Variants in EPAS1 observed in about 807,000 individuals in gnomAD.
EPAS1 encodes the protein endothelial PAS domain protein 1.
In EPAS1, 23 loss-of-function variants were observed where a neutral mutation model predicts 87.9. The ratio of observed to expected loss-of-function variants is 0.26; its 90% CI spans 0.19 to 0.37. The LOEUF (loss-of-function observed/expected upper bound fraction) is 0.37, where lower values mean the gene tolerates loss of function less well. EPAS1 is among the 10% of genes least tolerant of loss of function. The pLI, the probability that EPAS1 is intolerant of heterozygous loss-of-function variation, is 1.00. For missense variants in EPAS1, 1,138 were observed against 1,120.7 expected (o/e 1.02, Z -0.22); for synonymous variants, 508 against 444.3 (o/e 1.14, Z -1.80).
chr2:46,311,615 T>G (rs1683212675), intron 1 of EPAS1, among the ~76,000 whole-genome samples: 1 of 152,258 alleles, frequency 6.6e-6, no homozygotes, highest in Admixed American at 6.5e-5. Flanking sequence ...AACCTGTGAC[T>G]AGATATCTGT....
In EPAS1 at chr2:46,344,199, C is replaced by T. The variant is rs547824935; in HGVS notation, c.27-2674C>T. Among the ~76,000 whole-genome samples, 6 of 152,334 alleles carry T rather than the reference C, an allele frequency of 3.9e-5. No homozygotes were observed. The South Asian group carries it at 1.0e-3, about 26-fold the overall frequency. ...GATAGAGCACCAGGCACAAAAAGCA[C>T]AGCAAGACTCATATATCAGATGCCA... On this transcript the variant is annotated intron_variant, in intron 1 of 15. Coordinates refer to ENST00000263734, the MANE Select transcript of EPAS1 (RefSeq NM_001430.5).
In EPAS1 at chr2:46,380,566, G is replaced by A. The variant is rs2103673355; in HGVS notation, c.1894G>A (p.Gly632Arg). ...GQASTPLSSM[G>R]GRSNTQWPPD... Reference sequence around the variant, plus strand: ...GGCCAGCACCCCTCTCTCTTCCATGGGGGGCAGATCCAATACCCAGTGGCC... The same window carrying A: ...GGCCAGCACCCCTCTCTCTTCCATGAGGGGCAGATCCAATACCCAGTGGCC... The change falls in exon 12 of 16, where the codon GGG becomes AGG. Residue 632 changes from glycine to arginine, a missense_variant. Transcript: ENST00000263734. This position sits in a 1 kb window ranked among gnomAD's most constrained non-coding sequence, Gnocchi z 4.4. 6.2e-7 allele frequency: 1 copy of A among 1,614,066 alleles called. No individual in the cohort carries two copies. The highest frequency in any genetic ancestry group is 8.5e-7 in the Non-Finnish European group (1 of 1,179,996).
chr2:46,319,987 T>C (rs2104848512), intron 1 of EPAS1, among the ~76,000 whole-genome samples: 1 of 152,346 alleles, frequency 6.6e-6, no homozygotes, highest in East Asian at 1.9e-4. Context: ...AACGGCAGAA[T>C]GCGAGGATTT....
At chr2:46,353,349 A>G (rs865850821) in intron 2 of EPAS1, among the ~76,000 whole-genome samples, 12 of 152,238 alleles carry the variant, frequency 7.9e-5, no homozygotes, top group African/African-American at 2.7e-4. Flanking sequence ...AGTTCTACTG[A>G]ACCAGGAACC....
Position 46,382,409 on chromosome 2 carries a change from G to A in EPAS1, c.2288-16G>A, listed in dbSNP as rs759960330. On this transcript the variant is annotated splice_polypyrimidine_tract_variant and intron_variant, in intron 14 of 15. Transcript: ENST00000263734. Reference sequence around the variant, plus strand: ...CAGGCCAATGCTACCGTCACTCTCTGACTTTGGTCTTTCAGATAAGTTCAC... The same window carrying A: ...CAGGCCAATGCTACCGTCACTCTCTAACTTTGGTCTTTCAGATAAGTTCAC... 2 of 1,614,084 alleles carry A rather than the reference G, an allele frequency of 1.2e-6. No homozygotes were observed. The highest frequency in any genetic ancestry group is 1.7e-6 in the Non-Finnish European group (2 of 1,180,026).
In EPAS1 at chr2:46,297,955, C is replaced by T. The variant is rs2104831414; in HGVS notation, c.26+18C>T. On this transcript the variant is annotated intron_variant, in intron 1 of 15. Transcript: ENST00000263734. ...AAGAAAAGGTAAGCGGGCGTCCGGGCCGATCAGGGGGCCGGTCCGAGGCCA... is the reference window on the plus strand; with the variant it reads ...AAGAAAAGGTAAGCGGGCGTCCGGGTCGATCAGGGGGCCGGTCCGAGGCCA... 4 of 1,611,484 alleles carry T rather than the reference C, an allele frequency of 2.5e-6. 1 individual carries two copies. The South Asian group carries it at 4.4e-5, about 18-fold the overall frequency.
At chr2:46,344,323 C>A (rs759327127) in intron 1 of EPAS1, among the ~76,000 whole-genome samples, 17 of 152,228 alleles carry the variant, frequency 1.1e-4, no homozygotes, top group Non-Finnish European at 1.0e-4. Context: ...AAGCTTTGTG[C>A]ATGCAGATAT....
intron 4 of EPAS1, among the ~76,000 whole-genome samples, chr2:46,357,733 G>T (rs933881729): frequency 6.6e-6 from 1 of 152,214 alleles, no homozygotes; most frequent in Non-Finnish European, 1.5e-5. Context: ...AGGTTTTGAT[G>T]GAGAAGAGGT....
In EPAS1 at chr2:46,371,383, A is replaced by T. The variant is rs184129244; in HGVS notation, c.886+1450A>T. The stretch of plus-strand genomic sequence containing the variant: ...TTATTGGTTCCTCTGCCTCTTCCTC[A>T]TGGCTTTTGGGTTTGATTTGACAGT... On this transcript the variant is annotated intron_variant, in intron 7 of 15. Transcript: ENST00000263734. The surrounding 1 kb of genome is among the most constrained non-coding windows in gnomAD (Gnocchi z 4.3). 2.0e-5 allele frequency among the ~76,000 whole-genome samples: 3 copies of T among 152,198 alleles called. No individual in the cohort carries two copies. Among genetic ancestry groups the T allele is most frequent in the Admixed American group, 6.5e-5 (1 of 15,292 alleles).
chr2:46,356,094 T>A, intron 2 of EPAS1, 57 bp from the exon 3 acceptor site: 1 of 1,547,986 alleles, frequency 6.5e-7, no homozygotes. Context: ...TCTGTGCCAG[T>A]CCCATCTGTT....
At chr2:46,307,341 T>A (rs1020994890) in intron 1 of EPAS1, among the ~76,000 whole-genome samples, 2 of 152,110 alleles carry the variant, frequency 1.3e-5, no homozygotes, top group Non-Finnish European at 2.9e-5. Flanking sequence ...GAACCTTTAT[T>A]TGTGTGCTTG....
At chr2:46,365,980 A>C (rs375264974) in intron 6 of EPAS1, among the ~76,000 whole-genome samples, 3 of 152,228 alleles carry the variant, frequency 2.0e-5, no homozygotes, top group Non-Finnish European at 4.4e-5. Context: ...TCATCCTCTT[A>C]AACAGTTTAA....
chr2:46,377,913 G>T lies in EPAS1; in HGVS notation c.1269G>T (p.Glu423Asp). 5 of 1,553,214 alleles carry T rather than the reference G, an allele frequency of 3.2e-6. No homozygotes were observed. Among genetic ancestry groups the T allele is most frequent in the Non-Finnish European group, 4.4e-6 (5 of 1,147,784 alleles). Residue 423 changes from glutamate (E) to aspartate (D), a missense_variant, in exon 10 of 16, where the codon GAG becomes GAT. Coordinates refer to ENST00000263734, the MANE Select transcript of EPAS1 (RefSeq NM_001430.5). ...CCACAGGGAATCAGAACTTCGAGGA[G>T]TCCTCAGCCTATGGCAAGGCCATCC... ...SLDFGNQNFE[E>D]SSAYGKAILP...
Position 46,375,521 on chromosome 2 carries a change from G to A in EPAS1, c.887-169G>A, listed in dbSNP as rs987452498. 1.3e-5 allele frequency: 10 copies of A among 747,764 alleles called. No homozygotes were observed. Among genetic ancestry groups the A allele is most frequent in the Admixed American group, 4.4e-5 (2 of 45,514 alleles). The allele number at this position is 747,764 out of a possible 1,614,324, so 46.3% of individuals were successfully genotyped here. ...TATTTAAAATGAAGAGTTGGCTGAG[G>A]TGATCCCTAAGCTCCCTCCCAGGTC... On this transcript the variant is annotated intron_variant, in intron 7 of 15. Coordinates refer to ENST00000263734, the MANE Select transcript of EPAS1 (RefSeq NM_001430.5). This position sits in a 1 kb window ranked among gnomAD's most constrained non-coding sequence, Gnocchi z 4.1.
chr2:46,384,454 C>T (rs1558614225), intron 15 of EPAS1, 55 bp from the exon 16 acceptor site: 5 of 1,613,092 alleles, frequency 3.1e-6, no homozygotes, highest in Non-Finnish European at 8.5e-7. Flanking sequence ...GAAGTAGACA[C>T]TTTTCCAAAT....
At chr2:46,383,428 T>C (rs1286545887) in intron 15 of EPAS1, among the ~76,000 whole-genome samples, 1 of 152,206 alleles carries the variant, frequency 6.6e-6, no homozygotes, top group Non-Finnish European at 1.5e-5. Flanking sequence ...GGCCTGAAAA[T>C]AATTCGTGGT....
intron 1 of EPAS1, among the ~76,000 whole-genome samples, chr2:46,343,464 T>A (rs1169304994): frequency 6.6e-6 from 1 of 152,236 alleles, no homozygotes; most frequent in Admixed American, 6.5e-5. Flanking sequence ...ACTTTTGATC[T>A]TGGACCCAGA....
rs1440424739 is a variant in EPAS1, at chr2:46,346,754, G to A, written c.27-119G>A. 6.8e-6 allele frequency: 7 copies of A among 1,033,534 alleles called. No individual in the cohort carries two copies. Among genetic ancestry groups the A allele is most frequent in the Admixed American group, 2.0e-5 (1 of 50,212 alleles). The allele number at this position is 1,033,534 out of a possible 1,614,324, so 64.0% of individuals were successfully genotyped here. A position where few individuals can be genotyped will look rare whatever the true frequency, so the allele number is the denominator to read the frequency against. On this transcript the variant is annotated intron_variant, in intron 1 of 15. Coordinates refer to ENST00000263734, the MANE Select transcript of EPAS1 (RefSeq NM_001430.5). The surrounding 1 kb of genome is among the most constrained non-coding windows in gnomAD (Gnocchi z 4.0). ...GGCTCAGACAACTGGTGTGAGCCCA[G>A]ATCAGTCTAGTAAGGGAGTGTGGCT...
chr2:46,344,369 T>C (rs1683973177), intron 1 of EPAS1, among the ~76,000 whole-genome samples: 1 of 152,220 alleles, frequency 6.6e-6, no homozygotes, highest in African/African-American at 2.4e-5. Context: ...GGGATTGCTT[T>C]TGCTTCAGGA....
Sources: gnomAD v4.1 joint callset for allele counts (sites outside exome capture counted in the v4.1 genomes callset) on GRCh38, gnomAD v4.1.1 for gene constraint, Gnocchi (gnomAD v3.1) non-coding constraint, MANE v1.5 for transcripts, NCBI Gene and HGNC (gene_info 2026-07-23, HGNC 2026-07-21) for gene names.